SPEN: variants seen among roughly 807,000 people sequenced by gnomAD.
SPEN encodes the protein spen family transcriptional repressor, also known as msx2-interacting protein.
A neutral mutation model predicts 269.9 loss-of-function variants in SPEN; 18 were observed. That is an observed-to-expected ratio of 0.07 (90% CI 0.05 to 0.10). SPEN has a LOEUF of 0.10. SPEN is among the 10% of genes least tolerant of loss of function. The pLI is 1.00. For missense variants in SPEN, 3,822 were observed against 4,631.2 expected, an observed-to-expected ratio of 0.83 and a Z score of 5.07; for synonymous variants, 1,726 against 1,765.7, an observed-to-expected ratio of 0.98 and a Z score of 0.56.
rs2071315991 is a variant in SPEN at position 15,939,567 on chromosome 1, G to A, written c.*140G>A. On this transcript the variant is annotated 3_prime_UTR_variant, in exon 15 of 15. Coordinates refer to ENST00000375759, the MANE Select transcript of SPEN (RefSeq NM_015001.3). This position sits in a 1 kb window ranked among gnomAD's most constrained non-coding sequence, Gnocchi z 4.1. Reference sequence around the variant, plus strand: ...ACGGCCAGCCGTTTGCTGTCCTGCCGCCCGGCTCAGTCGGCCAGACTTCCT... The same window carrying A: ...ACGGCCAGCCGTTTGCTGTCCTGCCACCCGGCTCAGTCGGCCAGACTTCCT... The A allele has an allele frequency of 6.6e-6, 7 of 1,068,462 alleles. No homozygotes were observed. Among genetic ancestry groups the A allele is most frequent in the South Asian group, 1.9e-5 (1 of 51,516 alleles). 66.2% of individuals were successfully genotyped at this position (1,068,462 alleles called of 1,614,324 possible).
At position 15,847,741 on chromosome 1, in the gene SPEN, C is replaced by G. The variant is rs552930680; in HGVS notation, c.-327C>G. 2 of 191,188 alleles carry G rather than the reference C, an allele frequency of 1.0e-5. No individual in the cohort carries two copies. Among genetic ancestry groups the G allele is most frequent in the East Asian group, 1.9e-4 (2 of 10,640 alleles). The allele number at this position is 191,188 out of a possible 1,614,324, so 11.8% of individuals were successfully genotyped here. On this transcript the variant is annotated 5_prime_UTR_variant, in exon 1 of 15. Transcript: ENST00000375759. ...CGTCCGGCTGCCACAGCGCCAGCTC[C>G]GTCGTAGTCGCTGCCGCCCGTGTCC...
chr1:15,857,686 A>T (rs796653113), intron 1 of SPEN, among the ~76,000 whole-genome samples: 2 of 43,504 alleles, frequency 4.6e-5, no homozygotes, highest in East Asian at 1.1e-3. Context: ...TCATAAAAAA[A>T]TTGTTTTTTT....
At chr1:15,918,423 T>A (rs1005635916) in intron 6 of SPEN, among the ~76,000 whole-genome samples, 17 of 152,232 alleles carry the variant, frequency 1.1e-4, no homozygotes, top group Non-Finnish European at 1.8e-4. Context: ...TTCACCGTGT[T>A]GGCCAGGCTG....
In SPEN at chr1:15,888,472, C is replaced by T. The variant is rs141405512; in HGVS notation, c.881+11794C>T. On this transcript the variant is annotated intron_variant, in intron 3 of 14. Transcript: ENST00000375759. ...CCTAGTAGCTGGGATTACAGGCACA[C>T]GTCACCACGCCTGGCTAATTTTTGT... Among the ~76,000 whole-genome samples, 7 of 151,624 alleles carry T rather than the reference C, an allele frequency of 4.6e-5. No homozygotes were observed. The East Asian group carries it at 9.7e-4, about 21-fold the overall frequency.
chr1:15,938,195 C>T (rs1338275307), intron 13 of SPEN, among the ~76,000 whole-genome samples, 189 bp downstream of exon 13: 1 of 152,188 alleles, frequency 6.6e-6, no homozygotes, highest in Non-Finnish European at 1.5e-5. Context: ...CCTCTGCCTC[C>T]CGGGTTCAAG....
chr1:15,911,929 C>G (rs946532357), intron 5 of SPEN, among the ~76,000 whole-genome samples: 5 of 152,180 alleles, frequency 3.3e-5, no homozygotes, highest in Admixed American at 1.3e-4. Context: ...CCACTGCACT[C>G]CAGCCTGGGC....
In SPEN at chr1:15,940,059, T is replaced by G; in HGVS notation, c.*632T>G. The G allele has an allele frequency of 4.4e-6, 1 of 225,148 alleles. No individual in the cohort carries two copies. Among genetic ancestry groups the G allele is most frequent in the Non-Finnish European group, 8.8e-6 (1 of 113,092 alleles). The allele number at this position is 225,148 out of a possible 1,614,324, so 13.9% of individuals were successfully genotyped here. ...GAAGAGCAAACAGAAAGGTTTTCTCTTGGTGGGATATGCAGAACTTGGGAT... is the reference window on the plus strand; with the variant it reads ...GAAGAGCAAACAGAAAGGTTTTCTCGTGGTGGGATATGCAGAACTTGGGAT... On this transcript the variant is annotated 3_prime_UTR_variant, in exon 15 of 15. Transcript: ENST00000375759.
chr1:15,902,091 G>A (rs890971835), intron 3 of SPEN, among the ~76,000 whole-genome samples: 10 of 151,802 alleles, frequency 6.6e-5, no homozygotes, highest in Non-Finnish European at 1.2e-4. Flanking sequence ...ACCACGCCCC[G>A]CTAATATTTG....
intron 1 of SPEN, among the ~76,000 whole-genome samples, chr1:15,868,143 A>T (rs1476616686): frequency 6.9e-6 from 1 of 144,882 alleles, no homozygotes; most frequent in African/African-American, 2.6e-5. Flanking sequence ...CCAGCTAATT[A>T]AAAAAAAAAT....
rs61756185 is a variant in SPEN at position 15,919,487 on chromosome 1, A to C, written c.1605A>C (p.Arg535=). The C allele has an allele frequency of 4.2e-3, 6,784 of 1,605,162 alleles. 26 individuals carry two copies. Among genetic ancestry groups the C allele is most frequent in the South Asian group, 5.4e-3 (486 of 89,240 alleles). Residue 535 remains arginine, a synonymous_variant, in exon 8 of 15, where the codon CGA becomes CGC. Transcript: ENST00000375759. Reference sequence around the variant, plus strand: ...ATGTGTCAGATCAGTATTTAACACGACATTTCTGCCGATATGGGCCTGTGG... The same window carrying C: ...ATGTGTCAGATCAGTATTTAACACGCCATTTCTGCCGATATGGGCCTGTGG... ...SSNVSDQYLT[R]HFCRYGPVVK...
chr1:15,894,690 G>A (rs530879549), intron 3 of SPEN, among the ~76,000 whole-genome samples: 69 of 151,616 alleles, frequency 4.6e-4, no homozygotes, highest in Middle Eastern at 6.8e-3. Flanking sequence ...ACAGACACGC[G>A]CCACCACACC....
chr1:15,884,706 C>G (rs1019094495), intron 3 of SPEN, among the ~76,000 whole-genome samples: 1 of 146,168 alleles, frequency 6.8e-6, no homozygotes, highest in Non-Finnish European at 1.5e-5. Flanking sequence ...AATTCCTTTC[C>G]TTTTCCTTTT....
intron 3 of SPEN, among the ~76,000 whole-genome samples, chr1:15,904,891 CTTT>C (rs869308621): frequency 1.4e-5 from 2 of 144,252 alleles, no homozygotes; most frequent in Non-Finnish European, 1.5e-5. Context: ...TTGTCTCTCT[CTTT>C]TTTTTTTTTT....
At position 15,932,634 on chromosome 1, in the gene SPEN, G is replaced by A. The variant is rs768138609; in HGVS notation, c.6394G>A (p.Gly2132Ser). ...EKSESPQKED[G>S]LSSQLKSDPV... is the part of the protein sequence containing the mutation. ...AAGTGAGAGTCCCCAAAAGGAGGATGGTTTATCATCCCAGTTGAAAAGTGA... is the reference window on the plus strand; with the variant it reads ...AAGTGAGAGTCCCCAAAAGGAGGATAGTTTATCATCCCAGTTGAAAAGTGA... Residue 2132 changes from glycine (G) to serine (S), a missense_variant, in exon 11 of 15, where the codon GGT (glycine) becomes AGT (serine). Around this residue, in one of 16 missense-constraint regions of SPEN, gnomAD observed 727 missense variants for 737.9 expected, o/e 0.99. Coordinates refer to ENST00000375759, the MANE Select transcript of SPEN (RefSeq NM_015001.3). The surrounding 1 kb of genome is among the most constrained non-coding windows in gnomAD (Gnocchi z 4.2). The A allele has an allele frequency of 1.2e-6, 2 of 1,611,402 alleles. No individual in the cohort carries two copies. Among genetic ancestry groups the A allele is most frequent in the Non-Finnish European group, 1.7e-6 (2 of 1,178,302 alleles).
chr1:15,902,494 C>A (rs995844150), intron 3 of SPEN, among the ~76,000 whole-genome samples: 2 of 152,052 alleles, frequency 1.3e-5, no homozygotes, highest in African/African-American at 4.8e-5. Flanking sequence ...AGTATTATTA[C>A]TTGCTGTGGT....
chr1:15,930,678 A>G lies in SPEN; in HGVS notation c.4438A>G (p.Lys1480Glu). The change falls in exon 11 of 15, where the codon AAA (lysine) becomes GAA (glutamate). Residue 1480 changes from lysine (K) to glutamate (E), a missense_variant. Coordinates refer to ENST00000375759, the MANE Select transcript of SPEN (RefSeq NM_015001.3). This position sits in a 1 kb window ranked among gnomAD's most constrained non-coding sequence, Gnocchi z 5.3. ...TGCAAATTTTCGAAACAACAAAGAT[A>G]AAGAAAAGGTTGACTCTGCTCCAAG... is the stretch of plus-strand genomic sequence containing the variant. ...RFANFRNNKD[K>E]EKVDSAPRPI... is the part of the protein sequence containing the mutation. 1.9e-6 allele frequency: 3 copies of G among 1,614,198 alleles called. No homozygotes were observed. The highest frequency in any genetic ancestry group is 1.7e-6 in the Non-Finnish European group (2 of 1,180,038).
At chr1:15,878,317 T>C (rs2070652851) in intron 3 of SPEN, among the ~76,000 whole-genome samples, 2 of 152,194 alleles carry the variant, frequency 1.3e-5, no homozygotes, top group Non-Finnish European at 2.9e-5. Flanking sequence ...GAATGTCTGT[T>C]TTTAGGCTTC....
At chr1:15,923,786 C>T (rs1297812980) in intron 10 of SPEN, among the ~76,000 whole-genome samples, 1 of 151,936 alleles carries the variant, frequency 6.6e-6, no homozygotes, top group African/African-American at 2.4e-5. Flanking sequence ...TCTCCTGCCT[C>T]AGCCTCCCGA....
At chr1:15,866,011 G>A (rs1196815526) in intron 1 of SPEN, among the ~76,000 whole-genome samples, 1 of 151,706 alleles carries the variant, frequency 6.6e-6, no homozygotes, top group Non-Finnish European at 1.5e-5. Flanking sequence ...TTTGATTTAT[G>A]TAGTCTTTTC....
Sources: allele counts gnomAD v4.1 joint callset (sites outside exome capture counted in the v4.1 genomes callset), GRCh38; gene constraint gnomAD v4.1.1; regional missense constraint gnomAD v4.1.1; non-coding constraint Gnocchi (gnomAD v3.1); transcripts MANE v1.5; gene names NCBI Gene and HGNC (gene_info 2026-07-23, HGNC 2026-07-21).